The following RYR2 variants were observed in gnomAD, a reference collection of about 807,000 sequenced individuals.
RYR2 encodes ryanodine receptor 2.
In RYR2, 227 loss-of-function variants were observed where a neutral mutation model predicts 601.1. The observed-to-expected ratio is 0.38, with a 90% confidence interval of 0.34 to 0.42. The LOEUF is 0.42. Among genes scored for constraint, RYR2 ranks in the 10% least tolerant of loss-of-function variants. The pLI, the probability that RYR2 is intolerant of heterozygous loss-of-function variation, is 1.00. For synonymous variants in RYR2, 2,223 were observed against 2,175.1 expected (o/e 1.02, Z -0.61); for missense variants, 4,646 against 6,156.5 (o/e 0.75, Z 8.21).
intron 61 of RYR2, among the ~76,000 whole-genome samples, chr1:237,679,697 T>C (rs1003063799): frequency 7.9e-5 from 12 of 152,188 alleles, no homozygotes; most frequent in South Asian, 2.1e-4. Context: ...GCATACAATG[T>C]AAAATTGCAA....
At chr1:237,196,223 T>C (rs1680546487) in intron 1 of RYR2, among the ~76,000 whole-genome samples, 1 of 152,158 alleles carries the variant, frequency 6.6e-6, no homozygotes, top group South Asian at 2.1e-4. Context: ...ACAATAAATA[T>C]ATTGAGACAA....
intron 29 of RYR2, among the ~76,000 whole-genome samples, chr1:237,572,946 G>A (rs1672851254): frequency 6.6e-6 from 1 of 152,064 alleles, no homozygotes; most frequent in African/African-American, 2.4e-5. Context: ...GAGGTAGCTA[G>A]AGCTCAAAGG....
chr1:237,400,348 T>C (rs928920742), intron 10 of RYR2, among the ~76,000 whole-genome samples: 1 of 152,162 alleles, frequency 6.6e-6, no homozygotes, highest in Non-Finnish European at 1.5e-5. Flanking sequence ...CATCCTGGCC[T>C]CTAAGGAGGT....
intron 29 of RYR2, among the ~76,000 whole-genome samples, chr1:237,577,942 C>T (rs761267562): frequency 3.2e-4 from 49 of 152,050 alleles, no homozygotes; most frequent in Non-Finnish European, 5.4e-4. Flanking sequence ...AACTTGGATT[C>T]CAGGCACATG....
At chr1:237,238,088 G>GGACCACAGGTGTGGTCCACACCAGTAGC (rs758183520) in intron 1 of RYR2, among the ~76,000 whole-genome samples, 280 of 151,786 alleles carry the variant, frequency 1.8e-3, no homozygotes, top group Non-Finnish European at 2.7e-3. Flanking sequence ...CTGAGTAGCA[G>GGACCACAGGTGTGGTCCACACCAGTAGC]GACCACAGGT....
chr1:237,253,037 C>A (rs537018080), intron 1 of RYR2, among the ~76,000 whole-genome samples: 1 of 151,716 alleles, frequency 6.6e-6, no homozygotes, highest in Non-Finnish European at 1.5e-5. Flanking sequence ...TGGTGGTACA[C>A]GCCTGTAATC....
intron 2 of RYR2, among the ~76,000 whole-genome samples, chr1:237,317,995 A>G (rs1375172302): frequency 6.6e-6 from 1 of 151,984 alleles, no homozygotes; most frequent in African/African-American, 2.4e-5. Context: ...TTGTTTTTTC[A>G]TATGCCTGCT....
intron 80 of RYR2, among the ~76,000 whole-genome samples, chr1:237,744,922 G>A (rs1005528924): frequency 3.3e-5 from 5 of 149,946 alleles, no homozygotes; most frequent in South Asian, 2.1e-4. Context: ...TCAGCCTCCC[G>A]AGTAGCTAGG....
At chr1:237,231,549 T>C (rs548891779) in intron 1 of RYR2, among the ~76,000 whole-genome samples, 1 of 152,196 alleles carries the variant, frequency 6.6e-6, no homozygotes, top group Non-Finnish European at 1.5e-5. Context: ...TTAAAATAAA[T>C]GTCAAGCCTT....
intron 29 of RYR2, among the ~76,000 whole-genome samples, chr1:237,570,635 G>C (rs150078761): frequency 6.6e-6 from 1 of 151,876 alleles, no homozygotes; most frequent in Non-Finnish European, 1.5e-5. Context: ...CACCATGCCC[G>C]GCCTAAATTT....
intron 44 of RYR2, among the ~76,000 whole-genome samples, chr1:237,635,815 T>C (rs983985837): frequency 1.3e-5 from 2 of 152,236 alleles, no homozygotes; most frequent in African/African-American, 4.8e-5. Context: ...CTCTCTTCTT[T>C]GCTTCAGCCA....
At position 237,548,470 on chromosome 1, in the gene RYR2, C is replaced by T; in HGVS notation, c.2946C>T (p.Asp982=). 1 of 1,613,972 alleles carries T rather than the reference C, an allele frequency of 6.2e-7. No homozygotes were observed. Among genetic ancestry groups the T allele is most frequent in the Non-Finnish European group, 8.5e-7 (1 of 1,179,872 alleles). ...GTGGATACAAGCCTGCCCCTATGGA[C>T]CTGAGCTTTATCAAACTCACCCCAT... ...LTSGYKPAPM[D]LSFIKLTPSQ... The change falls in exon 26 of 105, where the codon GAC becomes GAT. Residue 982 remains aspartate (D), a synonymous_variant. Transcript: ENST00000366574.
chr1:237,565,476 C>T (rs2100971), intron 27 of RYR2, among the ~76,000 whole-genome samples: 79,995 of 151,302 alleles, frequency 0.53, 22,954 homozygotes, highest in South Asian at 0.65. Context: ...CTATGTTGCC[C>T]GGGCGCGATC....
At chr1:237,807,408 C>T (rs1222300741) in intron 99 of RYR2, among the ~76,000 whole-genome samples, 2 of 152,084 alleles carry the variant, frequency 1.3e-5, no homozygotes, top group Non-Finnish European at 2.9e-5. Context: ...TGGAATGCGG[C>T]GGCGCGATCT....
chr1:237,246,695 T>A (rs971958785), intron 1 of RYR2, among the ~76,000 whole-genome samples: 2 of 152,226 alleles, frequency 1.3e-5, no homozygotes, highest in African/African-American at 4.8e-5. Flanking sequence ...ACCTTGGTAC[T>A]TTTACTTATT....
intron 44 of RYR2, among the ~76,000 whole-genome samples, chr1:237,637,045 C>A (rs1350647581): frequency 6.6e-6 from 1 of 152,092 alleles, no homozygotes; most frequent in Non-Finnish European, 1.5e-5. Flanking sequence ...GAGAAAGGGA[C>A]TGCAAAGGGC....
At chr1:237,060,101 T>A (rs1662657016) in intron 1 of RYR2, among the ~76,000 whole-genome samples, 1 of 152,186 alleles carries the variant, frequency 6.6e-6, no homozygotes, top group Admixed American at 6.5e-5. Context: ...CCAGTCTACA[T>A]TTTTCTATTT....
Position 237,783,875 on chromosome 1 carries a change from C to G in RYR2, c.12163C>G (p.His4055Asp), listed in dbSNP as rs773157792. The G allele has an allele frequency of 6.2e-7, 1 of 1,613,776 alleles. No individual in the cohort carries two copies. Among genetic ancestry groups the G allele is most frequent in the African/African-American group, 1.3e-5 (1 of 75,026 alleles). Reference protein sequence around the residue: ...KRDFHKAMESHKHYTQSETEF... With the variant: ...KRDFHKAMESDKHYTQSETEF... Reference sequence around the variant, plus strand: ...GGACTTCCACAAAGCGATGGAGAGCCATAAGCACTACACGCAGTCAGAAAC... The same window carrying G: ...GGACTTCCACAAAGCGATGGAGAGCGATAAGCACTACACGCAGTCAGAAAC... Residue 4055 changes from histidine (H) to aspartate (D), a missense_variant, in exon 90 of 105, where the codon CAT becomes GAT. This residue lies in a region of RYR2 where 66 missense variants were observed against 80.7 expected (regional missense o/e 0.82). Coordinates refer to ENST00000366574, the MANE Select transcript of RYR2 (RefSeq NM_001035.3).
intron 16 of RYR2, among the ~76,000 whole-genome samples, chr1:237,458,042 C>T (rs1659046842): frequency 6.6e-6 from 1 of 152,148 alleles, no homozygotes; most frequent in Non-Finnish European, 1.5e-5. Context: ...CTGAACTTTC[C>T]ATACACATCA....
Sources: gnomAD v4.1 joint callset for allele counts (sites outside exome capture counted in the v4.1 genomes callset) on GRCh38, gnomAD v4.1.1 for gene constraint, gnomAD v4.1.1 regional missense constraint, MANE v1.5 for transcripts, NCBI Gene and HGNC (gene_info 2026-07-23, HGNC 2026-07-21) for gene names.